CAST: variants seen among roughly 807,000 people sequenced by gnomAD.
CAST encodes the protein MIR583 host.
In CAST, 76 loss-of-function variants were observed where a neutral mutation model predicts 119.6. The ratio of observed to expected loss-of-function variants is 0.64; its 90% CI spans 0.53 to 0.77. CAST has a LOEUF of 0.77. Ranked by LOEUF, CAST falls within the 30% of genes least tolerant of loss-of-function variation. CAST has a pLI of 0.00. For synonymous variants in CAST, 319 were observed against 331.6 expected (o/e 0.96, Z 0.41); for missense variants, 953 against 946.5 (o/e 1.01, Z -0.09).
the CAST span, among the ~76,000 whole-genome samples, chr5:96,151,284 T>C: frequency 6.6e-6 from 1 of 152,122 alleles, no homozygotes. Context: ...ACATACTGAT[T>C]CCAGTTTCTT....
At chr5:96,001,593 A>G in the CAST span, among the ~76,000 whole-genome samples, 2 of 152,340 alleles carry the variant, frequency 1.3e-5, no homozygotes, top group East Asian at 3.9e-4. Context: ...CTTGGCTGAT[A>G]TTGAGTATCC....
chr5:96,251,562 G>T, the CAST span, among the ~76,000 whole-genome samples: 1 of 152,102 alleles, frequency 6.6e-6, no homozygotes, highest in Non-Finnish European at 1.5e-5. Context: ...GATCTACAAG[G>T]AGTTGTGGAA....
chr5:96,237,700 G>A, the CAST span, among the ~76,000 whole-genome samples: 1 of 151,530 alleles, frequency 6.6e-6, no homozygotes, highest in African/African-American at 2.4e-5. Flanking sequence ...TTTCTATTGA[G>A]ACTTTAAGTA....
chr5:96,602,514 G>A (rs1269941300), intron 1 of CAST, among the ~76,000 whole-genome samples: 2 of 152,190 alleles, frequency 1.3e-5, no homozygotes, highest in African/African-American at 4.8e-5. Flanking sequence ...CACTTTGGGA[G>A]GCTGAGGCAG....
chr5:96,607,024 C>G (rs984591987), intron 1 of CAST, among the ~76,000 whole-genome samples: 1 of 152,164 alleles, frequency 6.6e-6, no homozygotes, highest in Non-Finnish European at 1.5e-5. Context: ...CGCGGTAGCT[C>G]ACGCCTGTAA....
intron 1 of CAST, among the ~76,000 whole-genome samples, chr5:96,564,070 T>C (rs1746428989): frequency 6.6e-6 from 1 of 152,220 alleles, no homozygotes; most frequent in African/African-American, 2.4e-5. Flanking sequence ...TTTCAGGAAG[T>C]ATTTCATAAA....
At chr5:96,275,199 G>A in the CAST span, among the ~76,000 whole-genome samples, 5 of 152,280 alleles carry the variant, frequency 3.3e-5, no homozygotes, top group Middle Eastern at 3.4e-3. Flanking sequence ...ACAGTAAGCC[G>A]TATTTGAACT....
At chr5:95,986,686 T>G in the CAST span, among the ~76,000 whole-genome samples, 2 of 152,216 alleles carry the variant, frequency 1.3e-5, no homozygotes, top group Non-Finnish European at 2.9e-5. Context: ...GGAGCCACCT[T>G]TCTGAGAAAA....
At chr5:96,419,312 TA>T in the CAST span, among the ~76,000 whole-genome samples, 3 of 142,540 alleles carry the variant, frequency 2.1e-5, no homozygotes, top group Admixed American at 1.4e-4. Context: ...TTAAGTGAGA[TA>T]TATATATATA....
At chr5:96,549,715 C>T (rs542257048) in intron 1 of CAST, among the ~76,000 whole-genome samples, 10 of 152,352 alleles carry the variant, frequency 6.6e-5, no homozygotes, top group South Asian at 6.2e-4. Flanking sequence ...CCATGGTCTT[C>T]GCAATTGGCA....
chr5:96,374,634 C>T, the CAST span, among the ~76,000 whole-genome samples: 15 of 152,178 alleles, frequency 9.9e-5, no homozygotes, highest in South Asian at 2.9e-3. Context: ...TGTAGTTTTC[C>T]ATCTTTTGAG....
the CAST span, among the ~76,000 whole-genome samples, chr5:96,093,533 G>A: frequency 6.6e-6 from 1 of 152,198 alleles, no homozygotes; most frequent in Admixed American, 6.5e-5. Flanking sequence ...AGCTGGTAGG[G>A]TGCTGTAAGA....
the CAST span, among the ~76,000 whole-genome samples, chr5:96,282,021 T>C: frequency 6.6e-6 from 1 of 152,220 alleles, no homozygotes. Flanking sequence ...TTGAGTCCTA[T>C]GTCCATTGTT....
At chr5:96,105,341 T>G in the CAST span, among the ~76,000 whole-genome samples, 1 of 152,250 alleles carries the variant, frequency 6.6e-6, no homozygotes, top group Admixed American at 6.5e-5. Context: ...CATCCAGTTT[T>G]TGTCCATTCA....
chr5:96,740,776 ACT>A lies in CAST; in HGVS notation c.914_915del (p.Ser305PhefsTer8), dbSNP rs1285185580. On this transcript the variant is annotated frameshift_variant, in exon 13 of 32. Transcript: ENST00000675179. LOFTEE classifies it high-confidence loss of function. ...GAAGGGATCACAGGGCCTCCTGCAG[ACT>A]CTTCGGTGAGTTTACATACATGTCT... is the stretch of plus-strand genomic sequence containing the variant. 1 of 1,596,036 alleles carries A rather than the reference ACT, an allele frequency of 6.3e-7. No individual in the cohort carries two copies. Among genetic ancestry groups the A allele is most frequent in the Admixed American group, 1.7e-5 (1 of 59,954 alleles).
the CAST span, among the ~76,000 whole-genome samples, chr5:96,176,097 TC>T: frequency 6.6e-6 from 1 of 152,286 alleles, no homozygotes; most frequent in African/African-American, 2.4e-5. Flanking sequence ...TAAACTGTGA[TC>T]TGAAGGACAA....
At chr5:96,490,695 A>G in the CAST span, among the ~76,000 whole-genome samples, 1 of 152,094 alleles carries the variant, frequency 6.6e-6, no homozygotes, top group Non-Finnish European at 1.5e-5. Flanking sequence ...GCATACCTAT[A>G]TAGGAAAAAC....
At chr5:96,181,135 G>A in the CAST span, among the ~76,000 whole-genome samples, 1 of 152,240 alleles carries the variant, frequency 6.6e-6, no homozygotes, top group East Asian at 1.9e-4. Context: ...CAGGAAACAT[G>A]CTTACATTTA....
At chr5:96,233,948 C>CA in the CAST span, among the ~76,000 whole-genome samples, 10 of 150,356 alleles carry the variant, frequency 6.7e-5, no homozygotes, top group South Asian at 2.1e-4. Context: ...TACATAATTG[C>CA]AAAAAAAAAT....
Sources: allele counts gnomAD v4.1 joint callset (sites outside exome capture counted in the v4.1 genomes callset), GRCh38; gene constraint gnomAD v4.1.1; transcripts MANE v1.5; gene names NCBI Gene and HGNC (gene_info 2026-07-23, HGNC 2026-07-21).